DMD: variants seen among roughly 807,000 people sequenced by gnomAD.
DMD encodes the protein dystrophin, also known as mutant dystrophin.
Under a neutral mutation model 330.1 loss-of-function variants are expected in DMD, and 63 were observed. The ratio of observed to expected loss-of-function variants is 0.19; its 90% CI spans 0.16 to 0.24. The LOEUF is 0.24. Ranked by LOEUF, DMD falls within the 10% of genes least tolerant of loss-of-function variation. The pLI is 1.00. For synonymous variants in DMD, 1,223 were observed against 959.8 expected (o/e 1.27, Z -5.07); for missense variants, 3,344 against 2,684.1 (o/e 1.25, Z -5.43).
intron 43 of DMD, among the ~76,000 whole-genome samples, chrX:32,269,226 C>T (rs765543087): frequency 1.8e-5 from 2 of 110,916 alleles, no homozygotes; most frequent in African/African-American, 6.6e-5. Flanking sequence ...TGCATGCTCC[C>T]CTCCCAAGTG....
At chrX:32,143,020 T>C (rs2096760903) in intron 44 of DMD, among the ~76,000 whole-genome samples, 1 of 111,021 alleles carries the variant, frequency 9.0e-6, no homozygotes, top group African/African-American at 3.3e-5. Context: ...TTGCATACAC[T>C]GTTTGGAATA....
chrX:31,536,200 TCTC>T (rs1213976362), intron 55 of DMD, among the ~76,000 whole-genome samples: 2 of 111,409 alleles, frequency 1.8e-5, no homozygotes, highest in African/African-American at 6.5e-5. Flanking sequence ...TCCACTAGAA[TCTC>T]CTCATTTTAT....
chrX:32,641,407 C>CATATATATATATATAT (rs1569366795), intron 11 of DMD: 78 of 63,180 alleles, frequency 1.2e-3, no homozygotes, highest in African/African-American at 4.8e-3. Flanking sequence ...GTATTTTATA[C>CATATATATATATATAT]GTATATATAT....
At chrX:31,722,232 C>A (rs1025347470) in intron 52 of DMD, among the ~76,000 whole-genome samples, 1 of 110,231 alleles carries the variant, frequency 9.1e-6, no homozygotes, top group African/African-American at 3.3e-5. Context: ...AATTCTCCTG[C>A]CTCAGCCTCC....
At chrX:32,562,140 A>C (rs970892696) in intron 16 of DMD, among the ~76,000 whole-genome samples, 2 of 112,023 alleles carry the variant, frequency 1.8e-5, no homozygotes, top group Admixed American at 9.5e-5. Context: ...TTTTTAAAGA[A>C]GTCAATCCAG....
chrX:32,034,059 T>G (rs1487819423), intron 44 of DMD, among the ~76,000 whole-genome samples: 1 of 111,953 alleles, frequency 8.9e-6, no homozygotes, highest in Non-Finnish European at 1.9e-5. Flanking sequence ...AAGGCATTAT[T>G]ATTCCTTTTT....
At chrX:31,531,253 T>G (rs1444285890) in intron 55 of DMD, among the ~76,000 whole-genome samples, 7 of 52,113 alleles carry the variant, frequency 1.3e-4, no homozygotes, top group Admixed American at 3.0e-4. Flanking sequence ...ATCGCCACAC[T>G]GACTTCCACA....
intron 52 of DMD, among the ~76,000 whole-genome samples, chrX:31,691,950 G>A (rs1436424628): frequency 9.0e-6 from 1 of 111,572 alleles, no homozygotes; most frequent in Non-Finnish European, 1.9e-5. Context: ...AGAACATTGT[G>A]CCCTGAACAG....
At position 32,645,228 on chromosome X, in the gene DMD, G is replaced by A. The variant is rs183806691; in HGVS notation, c.961-76C>T. 6.5e-5 allele frequency: 69 copies of A among 1,058,632 alleles called. No homozygotes were observed. In the East Asian group the frequency reaches 6.7e-4, roughly 10 times the overall value. 87.2% of individuals were successfully genotyped at this position (1,058,632 alleles called of 1,213,427 possible). Reference sequence around the variant, plus strand: ...GTTCCAGTACATTAAATGATGAATCGAATGAAATATTTAAAATGCTAGGAC... The same window carrying A: ...GTTCCAGTACATTAAATGATGAATCAAATGAAATATTTAAAATGCTAGGAC... On this transcript the variant is annotated intron_variant, in intron 9 of 78. Coordinates refer to ENST00000357033, the MANE Select transcript of DMD (RefSeq NM_004006.3).
chrX:31,705,296 A>T (rs1051670407), intron 52 of DMD, among the ~76,000 whole-genome samples: 1 of 113,091 alleles, frequency 8.8e-6, no homozygotes, highest in Non-Finnish European at 1.9e-5. Flanking sequence ...AGAAGATAAA[A>T]TGTACAGGAC....
chrX:31,701,510 T>C (rs774993779), intron 52 of DMD, among the ~76,000 whole-genome samples: 12 of 112,042 alleles, frequency 1.1e-4, no homozygotes, highest in Non-Finnish European at 2.3e-4. Flanking sequence ...TCCCTCGCTG[T>C]ACTCAATGTT....
intron 1 of DMD, among the ~76,000 whole-genome samples, chrX:33,103,787 T>C (rs1475765604): frequency 9.0e-6 from 1 of 111,698 alleles, no homozygotes; most frequent in African/African-American, 3.3e-5. Flanking sequence ...TTTTAAAAAA[T>C]GTAAACTCAG....
At chrX:33,209,302 C>T (rs952434281) in intron 1 of DMD, among the ~76,000 whole-genome samples, 3 of 110,921 alleles carry the variant, frequency 2.7e-5, no homozygotes, top group African/African-American at 6.5e-5. Flanking sequence ...ATCTCTTTTT[C>T]GTAGTTAAGA....
chrX:32,388,968 G>A lies in DMD; in HGVS notation c.4518+533C>T, dbSNP rs184213145. ...ATGCCTTTTAATTCGGTGTTGTCTT[G>A]AGGCATTTCACTGTATATCCAGTAC... On this transcript the variant is annotated intron_variant, in intron 32 of 78. Transcript: ENST00000357033. Among the ~76,000 whole-genome samples the A allele has an allele frequency of 1.4e-4, 16 of 110,838 alleles. No homozygotes were observed. In the East Asian group the frequency reaches 3.9e-3, roughly 27 times the overall value.
At chrX:33,185,526 G>A (rs1013198068) in intron 1 of DMD, among the ~76,000 whole-genome samples, 2 of 111,271 alleles carry the variant, frequency 1.8e-5, no homozygotes, top group Non-Finnish European at 3.8e-5. Flanking sequence ...TAGAAATCTC[G>A]TTCTCTTCTT....
At chrX:32,323,621 C>T (rs1204915876) in intron 41 of DMD, among the ~76,000 whole-genome samples, 4 of 110,918 alleles carry the variant, frequency 3.6e-5, no homozygotes, top group Admixed American at 9.6e-5. Flanking sequence ...TTAATTTTGG[C>T]GCAACACTAC....
chrX:32,849,767 G>A lies in DMD; in HGVS notation c.147C>T (p.Arg49=), dbSNP rs2149015136. 2 of 1,209,862 alleles carry A rather than the reference G, an allele frequency of 1.7e-6. No homozygotes were observed. The highest frequency in any genetic ancestry group is 2.2e-6 in the Non-Finnish European group (2 of 894,353). The part of the protein sequence containing the change: ...NLFSDLQDGR[R]LLDLLEGLTG... The stretch of plus-strand genomic sequence containing the variant: ...TCAGGCCTTCGAGGAGGTCTAGGAG[G>A]CGCCTCCCATCCTGTAGGTCACTGA... The change falls in exon 3 of 79, where the codon CGC becomes CGT. Residue 49 remains arginine, a synonymous_variant. Transcript: ENST00000357033.
intron 2 of DMD, among the ~76,000 whole-genome samples, chrX:32,924,654 T>C (rs1258804022): frequency 8.9e-6 from 1 of 112,460 alleles, no homozygotes; most frequent in Non-Finnish European, 1.9e-5. Context: ...ATTTATTAGC[T>C]TTATGTTTTA....
At chrX:32,586,615 G>A (rs1406441268) in intron 13 of DMD, among the ~76,000 whole-genome samples, 2 of 109,169 alleles carry the variant, frequency 1.8e-5, no homozygotes, top group African/African-American at 6.7e-5. Flanking sequence ...TGTTACATAG[G>A]TTTCTGTATT....
Sources: allele counts gnomAD v4.1 joint callset (sites outside exome capture counted in the v4.1 genomes callset), GRCh38; gene constraint gnomAD v4.1.1; transcripts MANE v1.5; gene names NCBI Gene and HGNC (gene_info 2026-07-23, HGNC 2026-07-21).